SNX13: variants seen among roughly 807,000 people sequenced by gnomAD.
SNX13 encodes sorting nexin-13.
In SNX13, 45 loss-of-function variants were observed where a neutral mutation model predicts 133.6. The ratio of observed to expected loss-of-function variants is 0.34; its 90% CI spans 0.27 to 0.43. SNX13 has a LOEUF of 0.43. Among genes scored for constraint, SNX13 ranks in the 20% least tolerant of loss-of-function variants. The pLI, the probability that SNX13 is intolerant of heterozygous loss-of-function variation, is 1.00. For missense variants in SNX13, 1,032 were observed against 1,145.1 expected (o/e 0.90, Z 1.43); for synonymous variants, 414 against 373.9 (o/e 1.11, Z -1.24).
intron 17 of SNX13, among the ~76,000 whole-genome samples, chr7:17,824,612 A>G (rs1562706834): frequency 6.9e-6 from 1 of 145,408 alleles, no homozygotes; most frequent in Non-Finnish European, 1.5e-5. Flanking sequence ...TCACCCAGCT[A>G]TTTTTTTTTT....
intron 5 of SNX13, among the ~76,000 whole-genome samples, chr7:17,884,576 T>C (rs973925036): frequency 6.6e-6 from 1 of 152,188 alleles, no homozygotes; most frequent in African/African-American, 2.4e-5. Flanking sequence ...CCCAATAAAT[T>C]ATTGTTAATA....
chr7:17,796,376 A>T (rs1161371859), intron 25 of SNX13: 1 of 152,940 alleles, frequency 6.5e-6, no homozygotes, highest in Non-Finnish European at 1.5e-5. Flanking sequence ...TGTTTTCCTA[A>T]GTACAACAAA....
At chr7:17,824,019 T>A (rs1164986284) in intron 17 of SNX13, among the ~76,000 whole-genome samples, 2 of 151,976 alleles carry the variant, frequency 1.3e-5, no homozygotes, top group African/African-American at 4.8e-5. Context: ...TTAAAAAAAA[T>A]GCAGAAGACA....
intron 22 of SNX13, among the ~76,000 whole-genome samples, chr7:17,801,127 T>C (rs1465821439): frequency 6.7e-6 from 1 of 149,720 alleles, no homozygotes; most frequent in East Asian, 2.0e-4. Context: ...TGTACGAATG[T>C]TCATAGAAGT....
Position 17,897,382 on chromosome 7 carries a change from G to T in SNX13, c.77C>A (p.Pro26His), listed in dbSNP as rs1164925115. Residue 26 changes from proline (P) to histidine (H), a missense_variant, in exon 2 of 26, where the codon CCC becomes CAC. Pro to His is a moderately conservative substitution (Grantham distance 77). Transcript: ENST00000428135. The stretch of plus-strand genomic sequence containing the variant: ...AAATGTCAAATAAAATATTACAAAG[G>T]GTCCAAAGGTTATCAGAAAAAGGAC... ...GIVLFLITFG[P>H]FVIFYLTFYI... The T allele has an allele frequency of 1.3e-6, 2 of 1,595,858 alleles. No individual in the cohort carries two copies. The highest frequency in any genetic ancestry group is 1.3e-5 in the African/African-American group (1 of 74,478).
At chr7:17,936,661 C>A (rs1237535160) in intron 1 of SNX13, among the ~76,000 whole-genome samples, 2 of 152,064 alleles carry the variant, frequency 1.3e-5, no homozygotes, top group Non-Finnish European at 2.9e-5. Context: ...ATCCTAATTG[C>A]TCCTGGTATC....
intron 14 of SNX13, 65 bp downstream of exon 14, chr7:17,834,696 T>C: frequency 1.9e-6 from 2 of 1,074,784 alleles, no homozygotes; most frequent in South Asian, 1.8e-5. Flanking sequence ...TAAAAACTAA[T>C]TACATTACAT....
intron 20 of SNX13, among the ~76,000 whole-genome samples, chr7:17,805,801 A>C (rs2128290922): frequency 6.6e-6 from 1 of 152,290 alleles, no homozygotes; most frequent in South Asian, 2.1e-4. Flanking sequence ...GCATCCCAGA[A>C]GTACTGAAGC....
At chr7:17,858,721 G>C (rs962266061) in intron 9 of SNX13, among the ~76,000 whole-genome samples, 1 of 152,048 alleles carries the variant, frequency 6.6e-6, no homozygotes, top group African/African-American at 2.4e-5. Flanking sequence ...TCAATATTAC[G>C]ATAAAGCTAA....
Position 17,794,190 on chromosome 7 carries a change from A to G in SNX13, c.2729T>C (p.Val910Ala). 1 of 1,611,728 alleles carries G rather than the reference A, an allele frequency of 6.2e-7. No homozygotes were observed. Among genetic ancestry groups the G allele is most frequent in the African/African-American group, 1.3e-5 (1 of 74,966 alleles). Residue 910 changes from valine to alanine, a missense_variant, in exon 26 of 26, where the codon GTC (valine) becomes GCC (alanine). Coordinates refer to ENST00000428135, the MANE Select transcript of SNX13 (RefSeq NM_015132.5). ...GGTTTCTAAAAAGCCTTCCAAGAAG[A>G]CATAAACCATTCTCCTATTTAATTG... ...HNQLNRRMVY[V>A]FLEGFLETLF...
At chr7:17,877,435 T>C (rs1017815836) in intron 5 of SNX13, among the ~76,000 whole-genome samples, 16 of 152,090 alleles carry the variant, frequency 1.1e-4, no homozygotes, top group Non-Finnish European at 2.1e-4. Flanking sequence ...TTTACATGAA[T>C]ATTTATTCAA....
chr7:17,936,192 A>C (rs756438332), intron 1 of SNX13, among the ~76,000 whole-genome samples: 2 of 152,194 alleles, frequency 1.3e-5, no homozygotes, highest in Non-Finnish European at 2.9e-5. Flanking sequence ...AACTATGTTA[A>C]GTCATCCAGA....
intron 1 of SNX13, among the ~76,000 whole-genome samples, chr7:17,931,079 A>G (rs540125710): frequency 6.6e-6 from 1 of 152,310 alleles, no homozygotes; most frequent in East Asian, 1.9e-4. Context: ...GACTCCCACC[A>G]GGATTAACAC....
chr7:17,885,783 G>T (rs1040001197), intron 5 of SNX13, among the ~76,000 whole-genome samples: 1 of 152,294 alleles, frequency 6.6e-6, no homozygotes, highest in African/African-American at 2.4e-5. Flanking sequence ...AGCCGAGATC[G>T]TGCCACTGCA....
At chr7:17,837,679 A>G (rs990703480) in intron 13 of SNX13, among the ~76,000 whole-genome samples, 4 of 152,030 alleles carry the variant, frequency 2.6e-5, no homozygotes, top group Non-Finnish European at 5.9e-5. Flanking sequence ...TTGAAGCATA[A>G]TGATGTCATC....
intron 5 of SNX13, chr7:17,879,524 C>T (rs777475731): frequency 6.6e-6 from 1 of 152,218 alleles, no homozygotes; most frequent in Non-Finnish European, 1.5e-5. Context: ...ACAGGAGGCA[C>T]AAACAACAAT....
Position 17,843,497 on chromosome 7 carries a change from G to A in SNX13, c.1165+2098C>T, listed in dbSNP as rs371808231. On this transcript the variant is annotated intron_variant, in intron 12 of 25. Transcript: ENST00000428135. ...CACAATAATAGTTGGAGATTTCGATGCCCCACTCTCAGTAACGGATAGACC... is the reference window on the plus strand; with the variant it reads ...CACAATAATAGTTGGAGATTTCGATACCCCACTCTCAGTAACGGATAGACC... 5.3e-5 allele frequency among the ~76,000 whole-genome samples: 8 copies of A among 152,052 alleles called. No individual in the cohort carries two copies. In the East Asian group the frequency reaches 1.4e-3, roughly 26 times the overall value.
At chr7:17,810,259 A>T (rs1370265350) in intron 20 of SNX13, among the ~76,000 whole-genome samples, 3 of 152,172 alleles carry the variant, frequency 2.0e-5, no homozygotes, top group Non-Finnish European at 4.4e-5. Context: ...AGAATCAAAT[A>T]GACACAATAA....
intron 1 of SNX13, among the ~76,000 whole-genome samples, chr7:17,917,325 A>C (rs992958754): frequency 2.0e-5 from 3 of 152,188 alleles, no homozygotes; most frequent in Admixed American, 2.0e-4. Flanking sequence ...TCCGGCAAGG[A>C]AAAGAAAGAA....
Sources: allele counts gnomAD v4.1 joint callset (sites outside exome capture counted in the v4.1 genomes callset), GRCh38; gene constraint gnomAD v4.1.1; transcripts MANE v1.5; gene names NCBI Gene and HGNC (gene_info 2026-07-23, HGNC 2026-07-21).